RBFOX1: variants seen among roughly 807,000 people sequenced by gnomAD.
RBFOX1 encodes RNA binding fox-1 homolog 1, also known as RNA binding protein fox-1 homolog 1.
A neutral mutation model predicts 57.7 loss-of-function variants in RBFOX1; 8 were observed. The ratio of observed to expected loss-of-function variants is 0.14; its 90% confidence interval spans 0.08 to 0.25. RBFOX1 has a LOEUF of 0.25. Among genes scored for constraint, RBFOX1 ranks in the 10% least tolerant of loss-of-function variants. The pLI, the probability that RBFOX1 is intolerant of heterozygous loss-of-function variation, is 1.00. For synonymous variants in RBFOX1, 326 were observed against 222.4 expected (o/e 1.47, Z -4.15); for missense variants, 611 against 548.5 (o/e 1.11, Z -1.14).
chr16:6,646,682 C>G lies in RBFOX1; in HGVS notation c.-63-7921C>G, dbSNP rs542091853. 3.3e-5 allele frequency among the ~76,000 whole-genome samples: 5 copies of G among 152,170 alleles called. No individual in the cohort carries two copies. In the South Asian group the frequency reaches 1.0e-3, roughly 32 times the overall value. On this transcript the variant is annotated intron_variant, in intron 2 of 15. Transcript: ENST00000550418. The stretch of plus-strand genomic sequence containing the variant: ...ACGGGCAAAAGCAGACAGAGAGCTG[C>G]TTTTCCTCACCTCGTTTCTCAGTGG...
chr16:5,727,828 C>T (rs1017371565), intron 3 of RBFOX1, among the ~76,000 whole-genome samples: 1 of 152,178 alleles, frequency 6.6e-6, no homozygotes, highest in Non-Finnish European at 1.5e-5. Context: ...GCTGGGACTA[C>T]AGGTGTGCGC....
At chr16:6,257,389 T>G (rs10431956) in intron 1 of RBFOX1, among the ~76,000 whole-genome samples, 124,259 of 152,060 alleles carry the variant, frequency 0.82, 52,762 homozygotes, top group East Asian at 0.95. Context: ...AAAGACAGCA[T>G]CAACAATATT....
In RBFOX1 at chr16:7,458,983, T is replaced by C. The variant is rs146385863; in HGVS notation, c.28-59164T>C. ...GTGCCTTTCACAAAGTAGGTACTCA[T>C]TGAATATTTGTTGAATGATTAAACC... On this transcript the variant is annotated intron_variant, in intron 4 of 15. Coordinates refer to ENST00000550418, the MANE Select transcript of RBFOX1 (RefSeq NM_018723.4). Among the ~76,000 whole-genome samples, 299 of 152,354 alleles carry C rather than the reference T, an allele frequency of 2.0e-3. 1 individual carries two copies. Among genetic ancestry groups the C allele is most frequent in the Non-Finnish European group, 3.8e-3 (259 of 68,032 alleles).
At chr16:6,617,984 C>G (rs1334852741) in intron 2 of RBFOX1, among the ~76,000 whole-genome samples, 1 of 152,136 alleles carries the variant, frequency 6.6e-6, no homozygotes, top group Non-Finnish European at 1.5e-5. Context: ...TTTCAGAAGG[C>G]TACCCTTATC....
Position 5,573,727 on chromosome 16 carries a change from C to T in RBFOX1, c.259-25175C>T, listed in dbSNP as rs933610854. 6.6e-5 allele frequency among the ~76,000 whole-genome samples: 10 copies of T among 152,142 alleles called. No homozygotes were observed. In the South Asian group the frequency reaches 1.9e-3, roughly 28 times the overall value. On this transcript the variant is annotated intron_variant, in intron 2 of 2. Transcript: ENST00000585867. The stretch of plus-strand genomic sequence containing the variant: ...CTATAACTGCAACACTTTGGGAGGC[C>T]GAGGTGGGAGGATGGCTGGAGCCCA...
rs150728077 is a variant in RBFOX1 at position 7,357,204 on chromosome 16, T to C, written c.28-160943T>C. The stretch of plus-strand genomic sequence containing the variant: ...TGCAAGCATACACGCAGTTTTGAAA[T>C]CATCCTGATAAGAGTCGGCAGGAGA... On this transcript the variant is annotated intron_variant, in intron 4 of 15. Transcript: ENST00000550418. Among the ~76,000 whole-genome samples, 40 of 149,012 alleles carry C rather than the reference T, an allele frequency of 2.7e-4. No individual in the cohort carries two copies. The East Asian group carries it at 7.4e-3, about 28-fold the overall frequency.
intron 3 of RBFOX1, among the ~76,000 whole-genome samples, chr16:5,666,560 A>G (rs1305180617): frequency 3.3e-5 from 5 of 152,202 alleles, no homozygotes; most frequent in Non-Finnish European, 5.9e-5. Flanking sequence ...TAGATGATAT[A>G]TTAAATACGT....
At chr16:6,639,363 GT>G (rs1310414699) in intron 2 of RBFOX1, among the ~76,000 whole-genome samples, 3 of 152,130 alleles carry the variant, frequency 2.0e-5, no homozygotes, top group African/African-American at 7.2e-5. Context: ...TTTAGTAGGT[GT>G]TGAGATAGAC....
chr16:7,591,719 A>C (rs7500975), intron 7 of RBFOX1, among the ~76,000 whole-genome samples: 1 of 152,090 alleles, frequency 6.6e-6, no homozygotes, highest in African/African-American at 2.4e-5. Flanking sequence ...TTTTTTAAGC[A>C]GTTACACATC....
chr16:7,327,224 G>C (rs562769687), intron 4 of RBFOX1, among the ~76,000 whole-genome samples: 5 of 152,322 alleles, frequency 3.3e-5, no homozygotes, highest in East Asian at 1.9e-4. Context: ...GGAAGGAAGG[G>C]TATTTCTGCA....
At chr16:5,547,414 G>C (rs1486428) in intron 2 of RBFOX1, among the ~76,000 whole-genome samples, 93,392 of 152,118 alleles carry the variant, frequency 0.61, 29,727 homozygotes, top group East Asian at 0.89. Context: ...TAATGGAATA[G>C]TATGCAGCAG....
In RBFOX1 at chr16:5,282,989, G is replaced by C. The variant is rs552763496; in HGVS notation, c.219+42884G>C. Among the ~76,000 whole-genome samples the C allele has an allele frequency of 1.6e-4, 25 of 152,270 alleles. No individual in the cohort carries two copies. In the East Asian group the frequency reaches 4.8e-3, roughly 29 times the overall value. ...GCCTAGGAAGAAAAGATGGTTTTGT[G>C]GGCTGGAACCAGGGACCCCTACTGT... is the stretch of plus-strand genomic sequence containing the variant. On this transcript the variant is annotated intron_variant, in intron 1 of 2. Coordinates refer to the RBFOX1 transcript ENST00000585867.
intron 4 of RBFOX1, among the ~76,000 whole-genome samples, chr16:7,100,298 CTCTT>C (rs943797929): frequency 3.3e-5 from 5 of 152,240 alleles, no homozygotes; most frequent in Non-Finnish European, 7.4e-5. Flanking sequence ...AGAACCCTGA[CTCTT>C]TCTGAAAATA....
At chr16:6,898,588 C>T (rs1020264564) in intron 3 of RBFOX1, among the ~76,000 whole-genome samples, 5 of 151,998 alleles carry the variant, frequency 3.3e-5, no homozygotes, top group East Asian at 1.9e-4. Context: ...TTCTCATGTC[C>T]GTGGGAGTAA....
chr16:6,991,332 A>G (rs986954215), intron 3 of RBFOX1, among the ~76,000 whole-genome samples: 1 of 151,994 alleles, frequency 6.6e-6, no homozygotes, highest in Non-Finnish European at 1.5e-5. Context: ...GCATTTCTCC[A>G]TTTCAGCTAA....
chr16:6,622,443 G>C (rs1319609151), intron 2 of RBFOX1, among the ~76,000 whole-genome samples: 2 of 152,160 alleles, frequency 1.3e-5, no homozygotes, highest in Admixed American at 6.5e-5. Flanking sequence ...GTACAGGCTT[G>C]TAGTCTAGGA....
At chr16:7,547,142 G>A (rs896015989) in intron 5 of RBFOX1, among the ~76,000 whole-genome samples, 9 of 152,198 alleles carry the variant, frequency 5.9e-5, no homozygotes, top group African/African-American at 1.9e-4. Context: ...ACTGGCTAAC[G>A]CACAGCCCTG....
intron 2 of RBFOX1, among the ~76,000 whole-genome samples, chr16:5,565,437 C>T (rs1042979193): frequency 6.6e-6 from 1 of 151,946 alleles, no homozygotes. Flanking sequence ...AGCAGCCTGA[C>T]CAACATAGAG....
intron 1 of RBFOX1, among the ~76,000 whole-genome samples, chr16:6,198,540 T>C (rs559864740): frequency 6.6e-6 from 1 of 152,316 alleles, no homozygotes; most frequent in African/African-American, 2.4e-5. Context: ...AGCATGTCAG[T>C]AACCTCTGTG....
Sources: gnomAD v4.1 joint callset for allele counts (sites outside exome capture counted in the v4.1 genomes callset) on GRCh38, gnomAD v4.1.1 for gene constraint, MANE v1.5 for transcripts, NCBI Gene and HGNC (gene_info 2026-07-23, HGNC 2026-07-21) for gene names.